The following STPG2 variants were observed in gnomAD, a reference collection of about 807,000 sequenced individuals.
The protein encoded by STPG2 is sperm-tail PG-rich repeat-containing protein 2.
In STPG2, 56 loss-of-function variants were observed where a neutral mutation model predicts 54.2. That is an observed-to-expected ratio of 1.03 (90% CI 0.83 to 1.29). The LOEUF is 1.29. STPG2 is among the 50% of genes most tolerant of loss of function. STPG2 has a pLI of 0.00. For synonymous variants in STPG2, 200 were observed against 181.8 expected, an observed-to-expected ratio of 1.10 and a Z score of -0.81; for missense variants, 596 against 544.9, an observed-to-expected ratio of 1.09 and a Z score of -0.93.
chr4:97,647,002 C>T (rs1340427046), intron 10 of STPG2, among the ~76,000 whole-genome samples: 3 of 152,120 alleles, frequency 2.0e-5, no homozygotes, highest in Non-Finnish European at 4.4e-5. Flanking sequence ...GCTGACTCTT[C>T]TTTCAGCTTC....
intron 10 of STPG2, among the ~76,000 whole-genome samples, chr4:97,673,733 A>G (rs754707000): frequency 1.3e-5 from 2 of 152,254 alleles, no homozygotes; most frequent in Admixed American, 6.5e-5. Flanking sequence ...ATAAAAATTC[A>G]GAAACATATG....
At chr4:98,074,900 G>C (rs1008606845) in intron 5 of STPG2, among the ~76,000 whole-genome samples, 5 of 151,990 alleles carry the variant, frequency 3.3e-5, no homozygotes, top group African/African-American at 9.7e-5. Flanking sequence ...AGGGGTTCTG[G>C]TGTCTTCCTG....
At chr4:97,544,614 T>C (rs532313553) in intron 4 of STPG2, among the ~76,000 whole-genome samples, 5 of 152,078 alleles carry the variant, frequency 3.3e-5, no homozygotes, top group Non-Finnish European at 7.4e-5. Flanking sequence ...GATTTTTAAG[T>C]AGCCAGAATA....
chr4:97,689,561 G>C (rs1723300464), intron 10 of STPG2, among the ~76,000 whole-genome samples: 1 of 152,022 alleles, frequency 6.6e-6, no homozygotes, highest in South Asian at 2.1e-4. Flanking sequence ...CTATTAAATG[G>C]TGCATTTGCT....
At chr4:97,583,207 A>C (rs886397742) in intron 10 of STPG2, among the ~76,000 whole-genome samples, 1 of 151,968 alleles carries the variant, frequency 6.6e-6, no homozygotes, top group Non-Finnish European at 1.5e-5. Flanking sequence ...TAATTTTCAC[A>C]ATAGCCAGCT....
At chr4:97,645,618 G>T (rs190078584) in intron 10 of STPG2, among the ~76,000 whole-genome samples, 2 of 152,194 alleles carry the variant, frequency 1.3e-5, no homozygotes, top group East Asian at 1.9e-4. Flanking sequence ...ATCATGGGGG[G>T]TTGGCAACCC....
chr4:98,037,145 T>G (rs1206649968), intron 5 of STPG2, among the ~76,000 whole-genome samples: 3 of 152,054 alleles, frequency 2.0e-5, no homozygotes, highest in Non-Finnish European at 2.9e-5. Flanking sequence ...TGTGCTAACT[T>G]TTCCAATGAG....
intron 4 of STPG2, among the ~76,000 whole-genome samples, chr4:97,538,322 C>T (rs183139573): frequency 2.6e-5 from 4 of 152,098 alleles, no homozygotes; most frequent in Non-Finnish European, 5.9e-5. Context: ...CTAATGAGAA[C>T]AACCGATGCA....
intron 5 of STPG2, among the ~76,000 whole-genome samples, chr4:98,058,677 C>T (rs1275316366): frequency 6.6e-6 from 1 of 151,988 alleles, no homozygotes; most frequent in Admixed American, 6.6e-5. Flanking sequence ...TTAACAAAGA[C>T]ATTCAGGACC....
At chr4:97,986,267 C>T (rs1734830230) in intron 5 of STPG2, among the ~76,000 whole-genome samples, 1 of 152,154 alleles carries the variant, frequency 6.6e-6, no homozygotes, top group Non-Finnish European at 1.5e-5. Context: ...GCCATACATA[C>T]CACAGGTGGA....
intron 10 of STPG2, among the ~76,000 whole-genome samples, chr4:97,658,873 T>C (rs1722294199): frequency 6.6e-6 from 1 of 152,140 alleles, no homozygotes; most frequent in South Asian, 2.1e-4. Context: ...CATTGAAAAA[T>C]AAATGCATAT....
At chr4:97,646,171 A>G (rs184647122) in intron 10 of STPG2, among the ~76,000 whole-genome samples, 1 of 152,272 alleles carries the variant, frequency 6.6e-6, no homozygotes, top group East Asian at 1.9e-4. Flanking sequence ...AAGATTTGTG[A>G]GAGTCCTTGA....
At chr4:97,631,667 A>C (rs993843657) in intron 10 of STPG2, among the ~76,000 whole-genome samples, 1 of 152,070 alleles carries the variant, frequency 6.6e-6, no homozygotes, top group Non-Finnish European at 1.5e-5. Flanking sequence ...CAAAGTTATT[A>C]CACACTAAAT....
At chr4:97,738,416 C>T (rs931820434) in intron 9 of STPG2, among the ~76,000 whole-genome samples, 23 of 152,086 alleles carry the variant, frequency 1.5e-4, no homozygotes, top group African/African-American at 5.6e-4. Flanking sequence ...CACAGACTGG[C>T]AAATTGGATA....
At chr4:97,928,300 G>C (rs2149216300) in intron 8 of STPG2, among the ~76,000 whole-genome samples, 1 of 152,186 alleles carries the variant, frequency 6.6e-6, no homozygotes. Context: ...CCTTAATTTA[G>C]CCTGTGTATT....
At chr4:97,801,539 T>A (rs1410321752) in intron 9 of STPG2, among the ~76,000 whole-genome samples, 1 of 152,196 alleles carries the variant, frequency 6.6e-6, no homozygotes, top group Non-Finnish European at 1.5e-5. Context: ...ATGGTGAGTA[T>A]GCAAACCAGG....
chr4:97,721,163 G>T (rs1724436751), intron 9 of STPG2, among the ~76,000 whole-genome samples: 1 of 152,026 alleles, frequency 6.6e-6, no homozygotes, highest in Non-Finnish European at 1.5e-5. Context: ...GATGAAAACA[G>T]CATTTTTTGC....
At chr4:97,891,906 T>A (rs1013739187) in intron 8 of STPG2, among the ~76,000 whole-genome samples, 1 of 152,070 alleles carries the variant, frequency 6.6e-6, no homozygotes, top group African/African-American at 2.4e-5. Flanking sequence ...AACCATTATG[T>A]CTACCTTTTT....
intron 10 of STPG2, among the ~76,000 whole-genome samples, chr4:97,656,548 T>G (rs1722224176): frequency 6.6e-6 from 1 of 152,046 alleles, no homozygotes; most frequent in African/African-American, 2.4e-5. Context: ...CTTGCTTCTC[T>G]TTGTGTACCA....
Sources: gnomAD v4.1 joint callset for allele counts (sites outside exome capture counted in the v4.1 genomes callset) on GRCh38, gnomAD v4.1.1 for gene constraint, MANE v1.5 for transcripts, NCBI Gene and HGNC (gene_info 2026-07-23, HGNC 2026-07-21) for gene names.